The following SGCZ variants were observed in gnomAD, a reference collection of about 807,000 sequenced individuals.
SGCZ encodes the protein zeta-sarcoglycan.
Under a neutral mutation model 41.3 loss-of-function variants are expected in SGCZ, and 40 were observed. That is an observed-to-expected ratio of 0.97 (90% CI 0.75 to 1.26). The LOEUF (loss-of-function observed/expected upper bound fraction) is 1.26, where lower values mean the gene tolerates loss of function less well. SGCZ is among the 50% of genes most tolerant of loss of function. The pLI is 0.00. For missense variants in SGCZ, 552 were observed against 369.8 expected, an observed-to-expected ratio of 1.49 and a Z score of -4.04; for synonymous variants, 206 against 137.5, an observed-to-expected ratio of 1.50 and a Z score of -3.49.
chr8:15,150,482 G>C (rs1013660743), intron 1 of SGCZ, among the ~76,000 whole-genome samples: 1 of 152,122 alleles, frequency 6.6e-6, no homozygotes, highest in African/African-American at 2.4e-5. Flanking sequence ...CCATCCTCTG[G>C]AACCCTCCCA....
chr8:15,132,755 G>A (rs1162716058), intron 1 of SGCZ, among the ~76,000 whole-genome samples: 1 of 152,124 alleles, frequency 6.6e-6, no homozygotes, highest in Non-Finnish European at 1.5e-5. Flanking sequence ...TTTACACCAT[G>A]GCAGTCAGCA....
At chr8:14,410,664 G>T (rs948087319) in intron 2 of SGCZ, among the ~76,000 whole-genome samples, 4 of 152,044 alleles carry the variant, frequency 2.6e-5, no homozygotes, top group African/African-American at 9.7e-5. Flanking sequence ...AGGCATGCAG[G>T]CCTTAAAACC....
intron 1 of SGCZ, among the ~76,000 whole-genome samples, chr8:14,918,297 A>G (rs1048998841): frequency 8.5e-5 from 13 of 152,128 alleles, no homozygotes; most frequent in African/African-American, 3.1e-4. Flanking sequence ...GCTAGTTCTC[A>G]GAACTAGGTC....
chr8:14,597,379 TA>T (rs1805447656), intron 1 of SGCZ, among the ~76,000 whole-genome samples: 1 of 152,234 alleles, frequency 6.6e-6, no homozygotes, highest in African/African-American at 2.4e-5. Flanking sequence ...TCAATAGTAA[TA>T]AAACATAAGA....
intron 2 of SGCZ, among the ~76,000 whole-genome samples, chr8:14,403,692 T>G (rs1338816550): frequency 6.6e-6 from 1 of 152,174 alleles, no homozygotes; most frequent in East Asian, 1.9e-4. Flanking sequence ...TTTCTCACAG[T>G]ATTATACTTC....
chr8:15,212,159 G>C (rs1380366827), intron 1 of SGCZ, among the ~76,000 whole-genome samples: 1 of 152,054 alleles, frequency 6.6e-6, no homozygotes, highest in Non-Finnish European at 1.5e-5. Context: ...TTCAAAATTA[G>C]TTCTAGGTTT....
chr8:14,580,339 A>C (rs1418027836), intron 1 of SGCZ, among the ~76,000 whole-genome samples: 2 of 152,220 alleles, frequency 1.3e-5, no homozygotes, highest in Non-Finnish European at 2.9e-5. Flanking sequence ...TATCTGGGTA[A>C]GTTTCAAGAA....
intron 1 of SGCZ, among the ~76,000 whole-genome samples, chr8:15,145,928 A>C (rs1024977666): frequency 2.0e-5 from 3 of 152,196 alleles, no homozygotes; most frequent in Non-Finnish European, 4.4e-5. Flanking sequence ...CAAGGGAATA[A>C]AACTGTATAA....
chr8:14,492,602 C>G (rs889041351), intron 2 of SGCZ, among the ~76,000 whole-genome samples: 14 of 152,170 alleles, frequency 9.2e-5, no homozygotes, highest in African/African-American at 3.1e-4. Flanking sequence ...ATTCTAGTCT[C>G]TATCTGCTCA....
At chr8:14,934,821 G>C (rs984083004) in intron 1 of SGCZ, among the ~76,000 whole-genome samples, 1 of 151,250 alleles carries the variant, frequency 6.6e-6, no homozygotes, top group African/African-American at 2.4e-5. Context: ...TATATCTGAA[G>C]AAATAATATA....
intron 6 of SGCZ, among the ~76,000 whole-genome samples, chr8:14,105,262 A>C (rs1487101899): frequency 6.6e-6 from 1 of 152,124 alleles, no homozygotes; most frequent in African/African-American, 2.4e-5. Flanking sequence ...CACTCATCAA[A>C]CAGCTGCTGA....
rs1246747998 is a variant in SGCZ at position 14,382,332 on chromosome 8, C to T, written c.235-58128G>A. 3.3e-5 allele frequency among the ~76,000 whole-genome samples: 5 copies of T among 152,146 alleles called. No homozygotes were observed. In the East Asian group the frequency reaches 9.7e-4, roughly 29 times the overall value. ...ACCAGTATTGATTGTTTGCGTAAGG[C>T]CCAAAGCCTGTGGGAATGAACTCAG... On this transcript the variant is annotated intron_variant, in intron 2 of 7. Transcript: ENST00000382080.
chr8:15,228,516 AG>A, intron 1 of SGCZ, among the ~76,000 whole-genome samples: 1 of 152,216 alleles, frequency 6.6e-6, no homozygotes, highest in East Asian at 1.9e-4. Context: ...TTTATAAAAT[AG>A]ATTTGAAAAC....
intron 2 of SGCZ, among the ~76,000 whole-genome samples, chr8:14,543,085 T>G (rs1803519969): frequency 6.6e-6 from 1 of 151,910 alleles, no homozygotes; most frequent in Non-Finnish European, 1.5e-5. Flanking sequence ...GCTTGGATAT[T>G]TTATTTAGGA....
At chr8:14,318,569 A>T (rs185356963) in intron 3 of SGCZ, among the ~76,000 whole-genome samples, 2 of 152,078 alleles carry the variant, frequency 1.3e-5, no homozygotes, top group African/African-American at 4.8e-5. Flanking sequence ...AGAGTGCTAG[A>T]AAAAGCTCAT....
chr8:15,040,569 C>G (rs1007072881), intron 1 of SGCZ, among the ~76,000 whole-genome samples: 1 of 151,968 alleles, frequency 6.6e-6, no homozygotes, highest in Non-Finnish European at 1.5e-5. Flanking sequence ...TGCAGTGAGC[C>G]GAGACTGCAC....
At chr8:14,974,292 G>C (rs1205499654) in intron 1 of SGCZ, among the ~76,000 whole-genome samples, 4 of 152,120 alleles carry the variant, frequency 2.6e-5, no homozygotes, top group Non-Finnish European at 4.4e-5. Context: ...ATTGTATATA[G>C]TATATGTGAT....
chr8:14,360,130 C>T (rs539370854), intron 2 of SGCZ, among the ~76,000 whole-genome samples: 8 of 152,184 alleles, frequency 5.3e-5, no homozygotes, highest in Non-Finnish European at 8.8e-5. Context: ...TAAAAAGCCA[C>T]GTGCAACAGA....
At chr8:14,328,100 A>G (rs1231788721) in intron 2 of SGCZ, among the ~76,000 whole-genome samples, 1 of 152,190 alleles carries the variant, frequency 6.6e-6, no homozygotes, top group East Asian at 1.9e-4. Flanking sequence ...AAGGTTTTCC[A>G]TATTACCTAG....
Sources: gnomAD v4.1 joint callset for allele counts (sites outside exome capture counted in the v4.1 genomes callset) on GRCh38, gnomAD v4.1.1 for gene constraint, MANE v1.5 for transcripts, NCBI Gene and HGNC (gene_info 2026-07-23, HGNC 2026-07-21) for gene names.